Variants in EBF1 observed in about 807,000 individuals in gnomAD.
EBF1 encodes transcription factor COE1.
A neutral mutation model predicts 68.4 loss-of-function variants in EBF1; 10 were observed. The observed-to-expected ratio is 0.15, with a 90% CI of 0.09 to 0.25. EBF1 has a LOEUF of 0.25. Ranked by LOEUF, EBF1 falls within the 10% of genes least tolerant of loss-of-function variation. The probability of loss-of-function intolerance (pLI) is 1.00; values close to 1 mark genes in which losing one functional copy is unlikely to be tolerated. For synonymous variants in EBF1, 298 were observed against 299.8 expected (o/e 0.99, Z 0.06); for missense variants, 509 against 794.4 (o/e 0.64, Z 4.32).
At chr5:158,857,587 C>T (rs550984688) in intron 6 of EBF1, among the ~76,000 whole-genome samples, 1 of 151,978 alleles carries the variant, frequency 6.6e-6, no homozygotes, top group East Asian at 1.9e-4. Flanking sequence ...CCCTCAAGAA[C>T]TAAGCAAAAA....
intron 10 of EBF1, among the ~76,000 whole-genome samples, chr5:158,762,885 C>T (rs1037542737): frequency 6.6e-6 from 1 of 152,094 alleles, no homozygotes; most frequent in Admixed American, 6.6e-5. Flanking sequence ...TGATACCCTC[C>T]TCACCTCTAA....
chr5:158,912,169 G>A (rs997004690), intron 6 of EBF1, among the ~76,000 whole-genome samples: 1 of 152,172 alleles, frequency 6.6e-6, no homozygotes, highest in African/African-American at 2.4e-5. Context: ...GAGAGTAAGG[G>A]CCCTTCCTCA....
At chr5:158,987,276 G>T (rs899321171) in intron 6 of EBF1, 7 of 152,190 alleles carry the variant, frequency 4.6e-5, no homozygotes, top group African/African-American at 1.4e-4. Context: ...CCACTACTGG[G>T]TGGGCATTCC....
At chr5:158,992,164 T>C (rs1452633493) in intron 6 of EBF1, among the ~76,000 whole-genome samples, 4 of 151,914 alleles carry the variant, frequency 2.6e-5, no homozygotes, top group Non-Finnish European at 5.9e-5. Flanking sequence ...CAACAGCTTA[T>C]TCAACTAAGA....
chr5:158,777,566 T>A, intron 9 of EBF1, 27 bp from the exon 10 acceptor site: 1 of 1,571,190 alleles, frequency 6.4e-7, no homozygotes, highest in Non-Finnish European at 8.6e-7. Flanking sequence ...GGGGGAAAAA[T>A]TGTCATTGCA....
At chr5:159,089,334 G>A (rs138341513) in intron 4 of EBF1, among the ~76,000 whole-genome samples, 2 of 152,222 alleles carry the variant, frequency 1.3e-5, no homozygotes, top group Non-Finnish European at 2.9e-5. Context: ...AAAGTAACCT[G>A]TAATATCTTT....
At chr5:158,747,061 C>A (rs1334952103) in intron 10 of EBF1, among the ~76,000 whole-genome samples, 1 of 152,162 alleles carries the variant, frequency 6.6e-6, no homozygotes, top group Non-Finnish European at 1.5e-5. Flanking sequence ...GGGGCAAAGG[C>A]ACATCTACTC....
chr5:158,756,336 T>C (rs1770095827), intron 10 of EBF1, among the ~76,000 whole-genome samples: 1 of 152,042 alleles, frequency 6.6e-6, no homozygotes, highest in African/African-American at 2.4e-5. Flanking sequence ...TGACCTGTGA[T>C]CACAGGAAAA....
At chr5:158,841,454 C>G (rs1287213387) in intron 6 of EBF1, among the ~76,000 whole-genome samples, 1 of 152,080 alleles carries the variant, frequency 6.6e-6, no homozygotes, top group Non-Finnish European at 1.5e-5. Context: ...GATTTCAGGC[C>G]GAAATGTTTC....
At chr5:158,804,291 T>A (rs1781165545) in intron 8 of EBF1, among the ~76,000 whole-genome samples, 1 of 151,998 alleles carries the variant, frequency 6.6e-6, no homozygotes, top group Admixed American at 6.6e-5. Context: ...CAAAATAGTG[T>A]CTAAGTTCCA....
intron 6 of EBF1, among the ~76,000 whole-genome samples, chr5:158,865,587 A>G (rs1296808402): frequency 1.3e-5 from 2 of 152,206 alleles, no homozygotes; most frequent in Non-Finnish European, 2.9e-5. Flanking sequence ...TTGATCTAAA[A>G]TCTGCATTTG....
At chr5:158,789,567 G>A (rs1397991800) in intron 9 of EBF1, among the ~76,000 whole-genome samples, 1 of 152,186 alleles carries the variant, frequency 6.6e-6, no homozygotes, top group Non-Finnish European at 1.5e-5. Context: ...AAAGCTGAAT[G>A]GGGGTGAAGC....
chr5:158,826,030 A>G (rs1786030501), intron 7 of EBF1, among the ~76,000 whole-genome samples: 1 of 152,164 alleles, frequency 6.6e-6, no homozygotes, highest in South Asian at 2.1e-4. Flanking sequence ...CACATAATTA[A>G]TAAGGTGCTG....
intron 6 of EBF1, among the ~76,000 whole-genome samples, chr5:159,014,314 A>T (rs529991591): frequency 6.6e-6 from 1 of 152,336 alleles, no homozygotes; most frequent in African/African-American, 2.4e-5. Context: ...TTCTCTAGTG[A>T]CTATGTTACC....
intron 6 of EBF1, among the ~76,000 whole-genome samples, chr5:159,004,691 G>C (rs182798150): frequency 2.0e-5 from 3 of 152,208 alleles, no homozygotes; most frequent in African/African-American, 2.4e-5. Context: ...GCCAAGTAGG[G>C]AACTGTGCTC....
chr5:158,875,159 T>C (rs1797609781), intron 6 of EBF1, among the ~76,000 whole-genome samples: 1 of 152,084 alleles, frequency 6.6e-6, no homozygotes, highest in South Asian at 2.1e-4. Flanking sequence ...CTTTATTTTA[T>C]GGAAACAGTG....
In EBF1 at chr5:159,099,412, C is replaced by G; in HGVS notation, c.67G>C (p.Gly23Arg). 1 of 1,602,048 alleles carries G rather than the reference C, an allele frequency of 6.2e-7. No homozygotes were observed. The highest frequency in any genetic ancestry group is 8.5e-7 in the Non-Finnish European group (1 of 1,174,332). ...ATCCACGTCCGCACCGCGTTCATGC[C>G]GCTGCCCAGCGGCTCTTCCTTCATG... ...SSMKEEPLGS[G>R]MNAVRTWMQG... is the part of the protein sequence containing the mutation. The change falls in exon 1 of 16, where the codon GGC (glycine) becomes CGC (arginine). Residue 23 changes from glycine to arginine, a missense_variant. Gly to Arg is a moderately radical substitution (Grantham distance 125). Transcript: ENST00000313708.
chr5:158,857,620 G>A (rs568005912), intron 6 of EBF1, among the ~76,000 whole-genome samples: 5 of 152,162 alleles, frequency 3.3e-5, no homozygotes, highest in South Asian at 4.2e-4. Context: ...AAGTGCTTTC[G>A]TGCCTCAAGT....
intron 2 of EBF1, 72 bp downstream of exon 2, chr5:159,096,902 G>T: frequency 6.4e-7 from 1 of 1,554,150 alleles, no homozygotes; most frequent in Non-Finnish European, 8.7e-7. Context: ...GGAAGGGCGC[G>T]CTGCCCAAGG....
Sources: gnomAD v4.1 joint callset for allele counts (sites outside exome capture counted in the v4.1 genomes callset) on GRCh38, gnomAD v4.1.1 for gene constraint, MANE v1.5 for transcripts, NCBI Gene and HGNC (gene_info 2026-07-23, HGNC 2026-07-21) for gene names.